Variants in F13A1 observed in about 807,000 individuals in gnomAD.
F13A1 encodes the protein coagulation factor XIII A chain, also known as FSF, A subunit.
A neutral mutation model predicts 80.1 loss-of-function variants in F13A1; 47 were observed. The ratio of observed to expected loss-of-function variants is 0.59; its 90% CI spans 0.46 to 0.75. F13A1 has a LOEUF of 0.75. F13A1 is among the 30% of genes least tolerant of loss of function. F13A1 has a pLI of 0.00. For synonymous variants in F13A1, 349 were observed against 344.9 expected (o/e 1.01, Z -0.13); for missense variants, 817 against 930.4 (o/e 0.88, Z 1.59).
At chr6:6,174,404 A>G (rs1211729299) in intron 12 of F13A1, among the ~76,000 whole-genome samples, 176 bp downstream of exon 12, 1 of 145,608 alleles carries the variant, frequency 6.9e-6, no homozygotes, top group Non-Finnish European at 1.5e-5. Flanking sequence ...AATAAAAATA[A>G]AAAAAAAGAA....
chr6:6,190,965 T>A (rs7763184), intron 10 of F13A1, among the ~76,000 whole-genome samples: 1 of 149,410 alleles, frequency 6.7e-6, no homozygotes, highest in African/African-American at 2.5e-5. Flanking sequence ...GCGCAGTATT[T>A]GGGTGTGAGT....
chr6:6,167,745 G>A lies in F13A1; in HGVS notation c.1748-127C>T, dbSNP rs570888570. 2.5e-5 allele frequency: 25 copies of A among 1,018,604 alleles called. No individual in the cohort carries two copies. In the South Asian group the frequency reaches 3.3e-4, roughly 13 times the overall value. 63.1% of individuals were successfully genotyped at this position (1,018,604 alleles called of 1,614,324 possible). On this transcript the variant is annotated intron_variant, in intron 12 of 14. Coordinates refer to ENST00000264870, the MANE Select transcript of F13A1 (RefSeq NM_000129.4). ...CCACCAGGAACACAGCAAAGGTAAGGGGCAAGTGGAACAAAGAGTCAATTG... is the reference window on the plus strand; with the variant it reads ...CCACCAGGAACACAGCAAAGGTAAGAGGCAAGTGGAACAAAGAGTCAATTG...
rs1169677521 is a variant in F13A1 at position 6,268,609 on chromosome 6, A to G, written c.320-1800T>C. Among the ~76,000 whole-genome samples the G allele has an allele frequency of 2.0e-5, 3 of 152,182 alleles. No homozygotes were observed. In the East Asian group the frequency reaches 5.8e-4, roughly 29 times the overall value. On this transcript the variant is annotated intron_variant, in intron 3 of 14. Transcript: ENST00000264870. ...GATTCTTTGCAGTTTAGTTTGGGAA[A>G]TAAAAAGACAATAGATTTTATAATA...
intron 3 of F13A1, among the ~76,000 whole-genome samples, chr6:6,299,822 G>A (rs1469945542): frequency 4.7e-5 from 7 of 148,354 alleles, no homozygotes; most frequent in African/African-American, 1.0e-4. Context: ...GAGGAGAGGC[G>A]GTCTGCTTTT....
Position 6,316,077 on chromosome 6 carries a change from GCATA to G in F13A1, c.130+2454_130+2457del, listed in dbSNP as rs1172277572. On this transcript the variant is annotated intron_variant, in intron 2 of 14. Coordinates refer to ENST00000264870, the MANE Select transcript of F13A1 (RefSeq NM_000129.4). ...GGTTTGTGTGCTGCTATGTGTGTGT[GCATA>G]TATATATATATATATATATATATAT... is the stretch of plus-strand genomic sequence containing the variant. 1.3e-3 allele frequency among the ~76,000 whole-genome samples: 66 copies of G among 49,644 alleles called. 1 individual carries two copies. Among genetic ancestry groups the G allele is most frequent in the South Asian group, 3.2e-3 (4 of 1,238 alleles). The allele number at this position is 49,644 out of a possible 152,430, so 32.6% of individuals were successfully genotyped here.
chr6:6,287,436 CAGAG>C (rs1173120291), intron 3 of F13A1, among the ~76,000 whole-genome samples: 2 of 152,050 alleles, frequency 1.3e-5, no homozygotes, highest in Admixed American at 6.6e-5. Context: ...AGTGTGAAGA[CAGAG>C]AGAAACAGAC....
intron 8 of F13A1, among the ~76,000 whole-genome samples, chr6:6,218,026 TC>T (rs34345379): frequency 0.34 from 51,205 of 151,856 alleles, 8,983 homozygotes; most frequent in South Asian, 0.46. Flanking sequence ...CAGACACTGC[TC>T]CCCCTGTGGG....
intron 5 of F13A1, among the ~76,000 whole-genome samples, chr6:6,249,237 C>T (rs1757596877): frequency 6.6e-6 from 1 of 152,242 alleles, no homozygotes; most frequent in Non-Finnish European, 1.5e-5. Context: ...CTAATTACCA[C>T]ACAATTCTTT....
intron 3 of F13A1, among the ~76,000 whole-genome samples, chr6:6,280,147 C>T (rs764496906): frequency 6.6e-6 from 1 of 152,070 alleles, no homozygotes; most frequent in Non-Finnish European, 1.5e-5. Context: ...ACAATACATA[C>T]TCAATAAACA....
intron 8 of F13A1, among the ~76,000 whole-genome samples, chr6:6,219,475 A>G (rs1405118165): frequency 6.6e-6 from 1 of 152,194 alleles, no homozygotes; most frequent in Non-Finnish European, 1.5e-5. Flanking sequence ...TAGTCACTCC[A>G]TCGGGAAATG....
intron 8 of F13A1, among the ~76,000 whole-genome samples, chr6:6,208,487 T>A (rs1761534191): frequency 6.6e-6 from 1 of 152,128 alleles, no homozygotes; most frequent in South Asian, 2.1e-4. Context: ...AAAGAATATT[T>A]GAAGAAACGA....
At chr6:6,316,077 GCATATATATATATATATATATATA>G (rs1484902553) in intron 2 of F13A1, among the ~76,000 whole-genome samples, 3 of 49,650 alleles carry the variant, frequency 6.0e-5, no homozygotes, top group South Asian at 8.1e-4. Context: ...ATGTGTGTGT[GCATATATATATATATATATATATA>G]TATATATATA....
chr6:6,167,372 AC>A, intron 13 of F13A1, 85 bp downstream of exon 13: 1 of 1,341,230 alleles, frequency 7.5e-7, no homozygotes, highest in Non-Finnish European at 1.1e-6. Flanking sequence ...TCACACACAC[AC>A]ACACATACAA....
intron 3 of F13A1, among the ~76,000 whole-genome samples, chr6:6,293,935 A>G (rs1758274910): frequency 6.6e-6 from 1 of 152,150 alleles, no homozygotes; most frequent in Non-Finnish European, 1.5e-5. Flanking sequence ...CAGCTCATCT[A>G]TACAGGCACA....
chr6:6,282,806 C>T (rs562880784), intron 3 of F13A1, among the ~76,000 whole-genome samples: 71 of 152,202 alleles, frequency 4.7e-4, no homozygotes, highest in Non-Finnish European at 7.2e-4. Context: ...TCCCTTTGTC[C>T]TCATCTCAGG....
In F13A1 at chr6:6,318,517, A is replaced by AG. The variant is rs752340262; in HGVS notation, c.130+17dup. On this transcript the variant is annotated intron_variant, in intron 2 of 14. Coordinates refer to ENST00000264870, the MANE Select transcript of F13A1 (RefSeq NM_000129.4). ...GTGCCTGGACCCAGAGTGGTGGGGA[A>AG]GGGGGGTATGCTCATACCTTGCAGG... The AG allele has an allele frequency of 6.2e-6, 10 of 1,608,482 alleles. No individual in the cohort carries two copies. Among genetic ancestry groups the AG allele is most frequent in the African/African-American group, 5.3e-5 (4 of 74,782 alleles).
At chr6:6,314,536 T>G (rs1033771481) in intron 2 of F13A1, among the ~76,000 whole-genome samples, 10 of 152,132 alleles carry the variant, frequency 6.6e-5, no homozygotes, top group African/African-American at 2.2e-4. Context: ...ATCCTCTAAG[T>G]CTCGGCTCCA....
chr6:6,198,750 A>G (rs541899735), intron 8 of F13A1, among the ~76,000 whole-genome samples: 2 of 152,344 alleles, frequency 1.3e-5, no homozygotes, highest in South Asian at 2.1e-4. Context: ...AAGCTAATAC[A>G]TGTATTTCGA....
chr6:6,221,533 C>G (rs994253393), intron 8 of F13A1, among the ~76,000 whole-genome samples: 3 of 152,150 alleles, frequency 2.0e-5, no homozygotes, highest in African/African-American at 7.2e-5. Context: ...CGTGAGCAAG[C>G]CTTTTTGGGC....
Sources: gnomAD v4.1 joint callset for allele counts (sites outside exome capture counted in the v4.1 genomes callset) on GRCh38, gnomAD v4.1.1 for gene constraint, MANE v1.5 for transcripts, NCBI Gene and HGNC (gene_info 2026-07-23, HGNC 2026-07-21) for gene names.